The following PPP1R12B variants were observed in gnomAD, a reference collection of about 807,000 sequenced individuals.
PPP1R12B encodes protein phosphatase 1 regulatory subunit 12B, also known as myosin phosphatase target subunit 2.
A neutral mutation model predicts 126.1 loss-of-function variants in PPP1R12B; 76 were observed. The ratio of observed to expected loss-of-function variants is 0.60; its 90% CI spans 0.50 to 0.73. The LOEUF is 0.73. Among genes scored for constraint, PPP1R12B ranks in the 30% least tolerant of loss-of-function variants. The pLI is 0.00. For synonymous variants in PPP1R12B, 356 were observed against 434.7 expected (o/e 0.82, Z 2.25); for missense variants, 1,052 against 1,205.1 (o/e 0.87, Z 1.88).
intron 13 of PPP1R12B, among the ~76,000 whole-genome samples, chr1:202,482,622 T>A (rs61821741): frequency 0.027 from 4,085 of 152,338 alleles, 76 homozygotes; most frequent in South Asian, 0.052. Context: ...GCTAAGTTCC[T>A]TATATATTCT....
Position 202,515,122 on chromosome 1 carries a change from A to G in PPP1R12B, c.2490+18300A>G, listed in dbSNP as rs539512329. On this transcript the variant is annotated intron_variant, in intron 18 of 23. Transcript: ENST00000608999. ...ACTTATGAACACAAAGAAGGAAACAACAGACACTGGGGTCTACTTGAGGGA... is the reference window on the plus strand; with the variant it reads ...ACTTATGAACACAAAGAAGGAAACAGCAGACACTGGGGTCTACTTGAGGGA... Among the ~76,000 whole-genome samples, 6 of 152,298 alleles carry G rather than the reference A, an allele frequency of 3.9e-5. No individual in the cohort carries two copies. In the East Asian group the frequency reaches 1.2e-3, roughly 29 times the overall value.
In PPP1R12B at chr1:202,497,691, G is replaced by A. The variant is rs530510443; in HGVS notation, c.2490+869G>A. Among the ~76,000 whole-genome samples the A allele has an allele frequency of 7.2e-5, 11 of 152,244 alleles. No homozygotes were observed. In the East Asian group the frequency reaches 1.2e-3, roughly 16 times the overall value. On this transcript the variant is annotated intron_variant, in intron 18 of 23. Transcript: ENST00000608999. ...GAAAGTAGTGCCTTTAATGACTAAC[G>A]GTGACATAGGTGAGAATTGCCTGCC...
chr1:202,477,409 T>C (rs1676804937), intron 13 of PPP1R12B, among the ~76,000 whole-genome samples: 1 of 152,188 alleles, frequency 6.6e-6, no homozygotes, highest in Non-Finnish European at 1.5e-5. Context: ...GAAGCCATGG[T>C]ACAAACCCAG....
At chr1:202,456,019 A>C (rs888832032) in intron 13 of PPP1R12B, among the ~76,000 whole-genome samples, 3 of 152,140 alleles carry the variant, frequency 2.0e-5, no homozygotes, top group Admixed American at 6.6e-5. Context: ...CTGTAATCCC[A>C]GCACTTTGGG....
At position 202,506,271 on chromosome 1, in the gene PPP1R12B, CA is replaced by C. The variant is rs908528594; in HGVS notation, c.2490+9450del. Among the ~76,000 whole-genome samples, 5 of 152,228 alleles carry C rather than the reference CA, an allele frequency of 3.3e-5. 1 individual carries two copies. Among genetic ancestry groups the C allele is most frequent in the African/African-American group, 1.2e-4 (5 of 41,468 alleles). Reference sequence around the variant, plus strand: ...GCAACTATAGTTTCTTAAAATACTGCAGATGCTGTGATTTTCTATATATGGG... The same window carrying C: ...GCAACTATAGTTTCTTAAAATACTGCGATGCTGTGATTTTCTATATATGGG... On this transcript the variant is annotated intron_variant, in intron 18 of 23. Transcript: ENST00000608999.
In PPP1R12B at chr1:202,389,628, T is replaced by C. The variant is rs1571765933; in HGVS notation, c.292-27159T>C. Among the ~76,000 whole-genome samples the C allele has an allele frequency of 1.3e-5, 2 of 149,138 alleles. 1 individual carries two copies. Among genetic ancestry groups the C allele is most frequent in the Admixed American group, 1.3e-4 (2 of 14,868 alleles). On this transcript the variant is annotated intron_variant, in intron 1 of 23. Transcript: ENST00000608999. ...TGCACAATGGGAAGTAGTTAAGTAA[T>C]AAACATATGAGATAATATCCACATG...
chr1:202,488,705 A>T, intron 14 of PPP1R12B, 82 bp downstream of exon 14: 1 of 1,187,960 alleles, frequency 8.4e-7, no homozygotes. Context: ...TGCAATATCC[A>T]TGTTCAACTG....
Position 202,590,943 on chromosome 1 carries a change from G to A in PPP1R12B, c.*10383G>A, listed in dbSNP as rs957778701. The stretch of plus-strand genomic sequence containing the variant: ...AAGAGGCCCCCCTAAAGTCCTGATC[G>A]CTAAGGCAGGTGGGATGGAGGAACT... On this transcript the variant is annotated 3_prime_UTR_variant, in exon 24 of 24. Transcript: ENST00000608999. The A allele has an allele frequency of 1.3e-5, 2 of 152,210 alleles. No individual in the cohort carries two copies. Among genetic ancestry groups the A allele is most frequent in the African/African-American group, 4.8e-5 (2 of 41,444 alleles). The allele number at this position is 152,210 out of a possible 1,614,324, so 9.4% of individuals were successfully genotyped here. A position where few individuals can be genotyped will look rare whatever the true frequency, so the allele number is the denominator to read the frequency against.
chr1:202,557,190 C>T (rs1291878449), intron 18 of PPP1R12B, among the ~76,000 whole-genome samples: 2 of 152,086 alleles, frequency 1.3e-5, no homozygotes, highest in African/African-American at 2.4e-5. Context: ...TGGGGTCTGC[C>T]ATGTTGCCCA....
At chr1:202,435,937 C>T (rs1233969179) in intron 9 of PPP1R12B, among the ~76,000 whole-genome samples, 1 of 152,150 alleles carries the variant, frequency 6.6e-6, no homozygotes, top group Non-Finnish European at 1.5e-5. Context: ...TCTAAGGATG[C>T]CTAGACTTCC....
chr1:202,425,820 T>C, intron 4 of PPP1R12B, 95 bp downstream of exon 4: 1 of 1,251,474 alleles, frequency 8.0e-7, no homozygotes, highest in Non-Finnish European at 1.1e-6. Context: ...CGCTATGACG[T>C]GTTTCCTTTT....
intron 12 of PPP1R12B, among the ~76,000 whole-genome samples, chr1:202,446,303 G>C (rs1672286222): frequency 7.5e-6 from 1 of 133,032 alleles, no homozygotes; most frequent in Non-Finnish European, 1.5e-5. Flanking sequence ...ACCCAGGCTG[G>C]AGTGCAGTGG....
chr1:202,432,713 C>T (rs1670339048), intron 8 of PPP1R12B, among the ~76,000 whole-genome samples: 1 of 152,196 alleles, frequency 6.6e-6, no homozygotes, highest in South Asian at 2.1e-4. Flanking sequence ...AATAGTGTAC[C>T]TAAGCCCCAT....
At chr1:202,536,967 G>A (rs1021549607) in intron 18 of PPP1R12B, among the ~76,000 whole-genome samples, 17 of 152,156 alleles carry the variant, frequency 1.1e-4, no homozygotes, top group African/African-American at 4.1e-4. Flanking sequence ...TGAAGAACCT[G>A]CCTGAGGCAA....
intron 1 of PPP1R12B, among the ~76,000 whole-genome samples, chr1:202,351,423 G>C (rs1209543069): frequency 1.3e-5 from 2 of 152,096 alleles, no homozygotes; most frequent in African/African-American, 4.8e-5. Flanking sequence ...ATTTTTAGTA[G>C]GGATGGGGTT....
rs1685211843 is a variant in PPP1R12B, at chr1:202,542,348, A to G, written c.2491-16529A>G. ...GTGGGTATTGCTATCCCTATTTTAC[A>G]TATGAGGAAACTGAGATACATAGAA... On this transcript the variant is annotated intron_variant, in intron 18 of 23. Transcript: ENST00000608999. Among the ~76,000 whole-genome samples, 5 of 152,180 alleles carry G rather than the reference A, an allele frequency of 3.3e-5. No homozygotes were observed. In the South Asian group the frequency reaches 6.2e-4, roughly 19 times the overall value.
chr1:202,414,160 G>A (rs575314904), intron 1 of PPP1R12B, among the ~76,000 whole-genome samples: 25 of 152,340 alleles, frequency 1.6e-4, no homozygotes, highest in Admixed American at 4.6e-4. Flanking sequence ...GACCTCAGGT[G>A]ATCCACCTGC....
chr1:202,401,433 C>T lies in PPP1R12B; in HGVS notation c.292-15354C>T, dbSNP rs559722937. Among the ~76,000 whole-genome samples, 3 of 115,614 alleles carry T rather than the reference C, an allele frequency of 2.6e-5. No homozygotes were observed. The East Asian group carries it at 8.2e-4, about 32-fold the overall frequency. The allele number at this position is 115,614 out of a possible 152,430, so 75.8% of individuals were successfully genotyped here. On this transcript the variant is annotated intron_variant, in intron 1 of 23. Coordinates refer to ENST00000608999, the MANE Select transcript of PPP1R12B (RefSeq NM_002481.4). ...CCACATTGCCCAGGCTGGTCTTGAA[C>T]TCCTGCCCTCAAGCAATTCATTCAC...
At position 202,381,745 on chromosome 1, in the gene PPP1R12B, T is replaced by G. The variant is rs1461183656; in HGVS notation, c.291+32603T>G. Among the ~76,000 whole-genome samples the G allele has an allele frequency of 2.6e-5, 4 of 152,336 alleles. No homozygotes were observed. In the South Asian group the frequency reaches 8.3e-4, roughly 32 times the overall value. On this transcript the variant is annotated intron_variant, in intron 1 of 23. Coordinates refer to ENST00000608999, the MANE Select transcript of PPP1R12B (RefSeq NM_002481.4). Reference sequence around the variant, plus strand: ...TTCCTTTATGGTATCTGTTAATACGTAGCATGTTAATATTAGAATTTTACC... The same window carrying G: ...TTCCTTTATGGTATCTGTTAATACGGAGCATGTTAATATTAGAATTTTACC...
Sources: allele counts gnomAD v4.1 joint callset (sites outside exome capture counted in the v4.1 genomes callset), GRCh38; gene constraint gnomAD v4.1.1; transcripts MANE v1.5; gene names NCBI Gene and HGNC (gene_info 2026-07-23, HGNC 2026-07-21).